R3HDM2: variants seen among roughly 807,000 people sequenced by gnomAD.
R3HDM2 encodes R3H domain-containing protein 2.
Under a neutral mutation model 124.5 loss-of-function variants are expected in R3HDM2, and 38 were observed. The observed-to-expected ratio is 0.31, with a 90% confidence interval of 0.24 to 0.40. The LOEUF (loss-of-function observed/expected upper bound fraction) is 0.40, where lower values mean the gene tolerates loss of function less well. Ranked by LOEUF, R3HDM2 falls within the 10% of genes least tolerant of loss-of-function variation. R3HDM2 has a pLI of 1.00. For missense variants in R3HDM2, 869 were observed against 1,236.9 expected, an observed-to-expected ratio of 0.70 and a Z score of 4.46; for synonymous variants, 391 against 448.0, an observed-to-expected ratio of 0.87 and a Z score of 1.61.
intron 1 of R3HDM2, among the ~76,000 whole-genome samples, chr12:57,420,472 T>G (rs1285072526): frequency 6.6e-6 from 1 of 151,644 alleles, no homozygotes; most frequent in Non-Finnish European, 1.5e-5. Flanking sequence ...GCCTTCCTCC[T>G]CCTTGAAACT....
intron 1 of R3HDM2, among the ~76,000 whole-genome samples, chr12:57,413,353 G>C (rs1594592647): frequency 6.6e-6 from 1 of 151,300 alleles, no homozygotes; most frequent in African/African-American, 2.4e-5. Flanking sequence ...CAACACTTTG[G>C]GATGCTGAGG....
chr12:57,425,735 T>C (rs188499258), intron 1 of R3HDM2, among the ~76,000 whole-genome samples: 1 of 151,352 alleles, frequency 6.6e-6, no homozygotes, highest in Non-Finnish European at 1.5e-5. Flanking sequence ...GAGGCGGAGG[T>C]GGTAGTGAGC....
At chr12:57,293,442 T>C (rs912999890) in intron 10 of R3HDM2, among the ~76,000 whole-genome samples, 3 of 151,370 alleles carry the variant, frequency 2.0e-5, no homozygotes, top group Non-Finnish European at 2.9e-5. Flanking sequence ...AATAAGAAAA[T>C]AGAGGATAGA....
chr12:57,260,115 T>A (rs2040290350), intron 19 of R3HDM2, among the ~76,000 whole-genome samples: 2 of 151,192 alleles, frequency 1.3e-5, no homozygotes, highest in Admixed American at 1.3e-4. Context: ...AATACAAAAA[T>A]GAGCTGGGCA....
chr12:57,395,350 C>A (rs1360981625), intron 2 of R3HDM2, among the ~76,000 whole-genome samples: 1 of 136,576 alleles, frequency 7.3e-6, no homozygotes, highest in Non-Finnish European at 1.6e-5. Flanking sequence ...ATTAAAAATA[C>A]AAAACTAGCC....
Position 57,295,471 on chromosome 12 carries a change from C to T in R3HDM2, c.738G>A (p.Glu246=), listed in dbSNP as rs2049576539. Residue 246 remains glutamate (E), a synonymous_variant, in exon 10 of 24, where the codon GAG becomes GAA. Coordinates refer to ENST00000402412, the MANE Select transcript of R3HDM2 (RefSeq NM_001394031.1). ...EQRFSEHIKD[E]KNTEFQQRFI... ...ACCTCTGTTGAAATTCTGTATTCTT[C>T]TCATCCTTTATATGTTCTGAGAACC... The T allele has an allele frequency of 1.3e-6, 2 of 1,551,606 alleles. No individual in the cohort carries two copies. Among genetic ancestry groups the T allele is most frequent in the Admixed American group, 2.0e-5 (1 of 50,976 alleles).
intron 2 of R3HDM2, among the ~76,000 whole-genome samples, chr12:57,316,063 C>T (rs1264467542): frequency 2.6e-5 from 4 of 152,218 alleles, no homozygotes; most frequent in African/African-American, 7.2e-5. Context: ...CTCCACTGTA[C>T]TCCAGCCTGC....
intron 1 of R3HDM2, among the ~76,000 whole-genome samples, chr12:57,396,083 C>T (rs975921540): frequency 6.6e-6 from 1 of 152,180 alleles, no homozygotes; most frequent in Non-Finnish European, 1.5e-5. Flanking sequence ...CTACCACTTT[C>T]TAACATAAAT....
intron 2 of R3HDM2, among the ~76,000 whole-genome samples, chr12:57,387,598 G>C (rs1006909804): frequency 5.9e-5 from 9 of 152,252 alleles, no homozygotes; most frequent in African/African-American, 2.2e-4. Context: ...AACTCACAAA[G>C]ACAAAAGCTC....
intron 2 of R3HDM2, among the ~76,000 whole-genome samples, chr12:57,369,175 AG>A (rs1420959656): frequency 6.6e-6 from 1 of 152,132 alleles, no homozygotes; most frequent in Non-Finnish European, 1.5e-5. Flanking sequence ...AATGATCTCA[AG>A]TGTCAGGAAA....
intron 1 of R3HDM2, among the ~76,000 whole-genome samples, chr12:57,428,486 C>CGGGTATGGTGGG (rs1157064703): frequency 4.5e-4 from 19 of 42,506 alleles, no homozygotes; most frequent in African/African-American, 1.6e-3. Context: ...AAACATTAGC[C>CGGGTATGGTGGG]GGGTATGGTG....
chr12:57,277,371 C>T (rs2045081338), intron 14 of R3HDM2, among the ~76,000 whole-genome samples: 1 of 152,002 alleles, frequency 6.6e-6, no homozygotes, highest in African/African-American at 2.4e-5. Context: ...ATAGTTTAGT[C>T]AGTACTGTTC....
chr12:57,265,931 G>T (rs547819546), intron 19 of R3HDM2, among the ~76,000 whole-genome samples: 2 of 151,848 alleles, frequency 1.3e-5, no homozygotes, highest in African/African-American at 4.8e-5. Context: ...CAAGTAGCTG[G>T]GATTACAGAT....
intron 2 of R3HDM2, among the ~76,000 whole-genome samples, chr12:57,313,193 C>T (rs947767921): frequency 2.0e-5 from 3 of 152,122 alleles, no homozygotes; most frequent in African/African-American, 7.2e-5. Context: ...CCTCAGTTCT[C>T]TTCAGTCTGA....
chr12:57,357,735 T>G (rs192921837), intron 2 of R3HDM2, among the ~76,000 whole-genome samples: 7 of 151,934 alleles, frequency 4.6e-5, no homozygotes, highest in Non-Finnish European at 5.9e-5. Flanking sequence ...AGTTTGCTCT[T>G]CTTTTCTAAT....
At chr12:57,425,699 G>A (rs1438873194) in intron 1 of R3HDM2, among the ~76,000 whole-genome samples, 2 of 152,150 alleles carry the variant, frequency 1.3e-5, no homozygotes, top group African/African-American at 4.8e-5. Context: ...TTGGGAGGTT[G>A]AGGCAGAAGA....
chr12:57,365,970 A>C (rs1430857247), intron 2 of R3HDM2, among the ~76,000 whole-genome samples: 3 of 152,016 alleles, frequency 2.0e-5, no homozygotes, highest in Non-Finnish European at 2.9e-5. Flanking sequence ...TGATGAAGAG[A>C]AAATCTTCAG....
intron 2 of R3HDM2, among the ~76,000 whole-genome samples, chr12:57,360,883 T>C (rs926895581): frequency 2.6e-5 from 4 of 151,044 alleles, no homozygotes; most frequent in Non-Finnish European, 4.4e-5. Context: ...AAACCCTGTC[T>C]CTACTAAAAA....
intron 2 of R3HDM2, among the ~76,000 whole-genome samples, chr12:57,333,207 C>T (rs1405043563): frequency 1.3e-5 from 2 of 151,924 alleles, no homozygotes; most frequent in East Asian, 3.9e-4. Context: ...TACAAACAAG[C>T]TAGAGAAGTA....
Sources: allele counts gnomAD v4.1 joint callset (sites outside exome capture counted in the v4.1 genomes callset), GRCh38; gene constraint gnomAD v4.1.1; transcripts MANE v1.5; gene names NCBI Gene and HGNC (gene_info 2026-07-23, HGNC 2026-07-21).